The following SRPK2 variants were observed in gnomAD, a reference collection of about 807,000 sequenced individuals.
SRPK2 encodes the protein SFRS protein kinase 2.
Under a neutral mutation model 90.8 loss-of-function variants are expected in SRPK2, and 21 were observed. That is an observed-to-expected ratio of 0.23 (90% CI 0.16 to 0.33). The LOEUF (loss-of-function observed/expected upper bound fraction) is 0.33. SRPK2 is among the 10% of genes least tolerant of loss of function. The probability of loss-of-function intolerance (pLI) is 1.00; values close to 1 mark genes in which losing one functional copy is unlikely to be tolerated. For missense variants in SRPK2, 620 were observed against 869.0 expected (o/e 0.71, Z 3.60); for synonymous variants, 288 against 311.1 (o/e 0.93, Z 0.78).
intron 2 of SRPK2, among the ~76,000 whole-genome samples, chr7:105,350,760 C>T (rs1246987873): frequency 2.6e-5 from 4 of 152,042 alleles, no homozygotes; most frequent in Non-Finnish European, 5.9e-5. Context: ...GACCTCCCCA[C>T]CTTGGCCTCC....
intron 3 of SRPK2, among the ~76,000 whole-genome samples, chr7:105,198,708 T>C (rs556004402): frequency 1.3e-5 from 2 of 152,236 alleles, no homozygotes; most frequent in Non-Finnish European, 2.9e-5. Flanking sequence ...ATATTTCTTA[T>C]GAGCCTCGTA....
At chr7:105,285,588 G>A (rs1300387181) in intron 2 of SRPK2, among the ~76,000 whole-genome samples, 2 of 152,102 alleles carry the variant, frequency 1.3e-5, no homozygotes, top group African/African-American at 4.8e-5. Flanking sequence ...GAGGTGTTTG[G>A]ATCACGGGGA....
chr7:105,328,561 C>CAAAAA (rs1192103331), intron 2 of SRPK2, among the ~76,000 whole-genome samples: 2 of 47,212 alleles, frequency 4.2e-5, no homozygotes, highest in Non-Finnish European at 7.1e-5. Flanking sequence ...GGCTCTGTCT[C>CAAAAA]AAAAAAAAAA....
intron 2 of SRPK2, among the ~76,000 whole-genome samples, chr7:105,261,022 T>TAAAAAAAAAAA (rs72277307): frequency 7.8e-5 from 9 of 116,004 alleles, no homozygotes; most frequent in Non-Finnish European, 1.6e-4. Context: ...CCCTAGAAAT[T>TAAAAAAAAAAA]AAAAAAAAAA....
chr7:105,338,713 C>T (rs1815406959), intron 2 of SRPK2, among the ~76,000 whole-genome samples: 1 of 152,052 alleles, frequency 6.6e-6, no homozygotes, highest in Non-Finnish European at 1.5e-5. Flanking sequence ...TTTTTGAATC[C>T]TGTTGTAAAT....
intron 10 of SRPK2, among the ~76,000 whole-genome samples, 187 bp from the exon 11 acceptor site, chr7:105,142,677 G>C (rs1457724579): frequency 6.6e-6 from 1 of 151,914 alleles, no homozygotes; most frequent in African/African-American, 2.4e-5. Flanking sequence ...TTAGTAATTG[G>C]CCTGCTCTTA....
At chr7:105,302,442 A>G (rs1210243922) in intron 2 of SRPK2, among the ~76,000 whole-genome samples, 1 of 152,194 alleles carries the variant, frequency 6.6e-6, no homozygotes, top group Non-Finnish European at 1.5e-5. Context: ...TCAAACTATC[A>G]TCCTGGTGGA....
chr7:105,177,219 T>C (rs371574483), intron 3 of SRPK2, among the ~76,000 whole-genome samples: 1 of 152,172 alleles, frequency 6.6e-6, no homozygotes, highest in Non-Finnish European at 1.5e-5. Context: ...GATGACTTGC[T>C]TTTTTTAAAA....
rs117316374 is a variant in SRPK2 at position 105,220,400 on chromosome 7, A to G, written c.72-16615T>C. 2.8e-3 allele frequency among the ~76,000 whole-genome samples: 427 copies of G among 152,122 alleles called. 11 individuals are homozygous for G. The East Asian group carries it at 0.055, about 20-fold the overall frequency. ...AAATTAGCTGGGCGTGGTGGCGCAC[A>G]CCTGTATCCCAGTTACTCAGGAAGC... On this transcript the variant is annotated intron_variant, in intron 2 of 15. Coordinates refer to ENST00000393651, the MANE Select transcript of SRPK2 (RefSeq NM_182692.3).
At position 105,293,155 on chromosome 7, in the gene SRPK2, G is replaced by A. The variant is rs535347309; in HGVS notation, c.72-89370C>T. Among the ~76,000 whole-genome samples, 27 of 152,132 alleles carry A rather than the reference G, an allele frequency of 1.8e-4. No individual in the cohort carries two copies. The South Asian group carries it at 2.7e-3, about 15-fold the overall frequency. ...TCTACTAAAAATACAAAAATTGGCC[G>A]GGCATGGTGGTGGATGCCTGTAATC... On this transcript the variant is annotated intron_variant, in intron 2 of 15. Transcript: ENST00000393651.
chr7:105,123,622 C>A (rs919315923), intron 15 of SRPK2, among the ~76,000 whole-genome samples: 3 of 152,072 alleles, frequency 2.0e-5, no homozygotes, highest in African/African-American at 7.2e-5. Context: ...TGGGAACATG[C>A]CAAAACACAT....
intron 2 of SRPK2, among the ~76,000 whole-genome samples, chr7:105,293,674 C>T (rs1049166475): frequency 2.0e-5 from 3 of 152,194 alleles, no homozygotes; most frequent in East Asian, 3.9e-4. Context: ...CCCACCTCAG[C>T]CTCCCAAAGG....
chr7:105,231,090 C>G (rs937172754), intron 2 of SRPK2, among the ~76,000 whole-genome samples: 4 of 152,252 alleles, frequency 2.6e-5, no homozygotes, highest in South Asian at 2.1e-4. Flanking sequence ...TTCACCCTCC[C>G]TCGCCAAGTA....
At chr7:105,331,337 A>AAAAAAAAAAAAAAAAAAAC (rs1554512429) in intron 2 of SRPK2, among the ~76,000 whole-genome samples, 2 of 141,830 alleles carry the variant, frequency 1.4e-5, no homozygotes, top group Non-Finnish European at 3.1e-5. Context: ...AAAAAAAAAA[A>AAAAAAAAAAAAAAAAAAAC]CAAATAGTTA....
intron 3 of SRPK2, among the ~76,000 whole-genome samples, chr7:105,175,553 A>C (rs1444849397): frequency 1.3e-5 from 2 of 152,178 alleles, no homozygotes; most frequent in Admixed American, 1.3e-4. Flanking sequence ...AAAAAGCATA[A>C]GAACAGTCGA....
chr7:105,356,238 C>T (rs1447345857), intron 2 of SRPK2, among the ~76,000 whole-genome samples: 1 of 151,940 alleles, frequency 6.6e-6, no homozygotes, highest in Non-Finnish European at 1.5e-5. Flanking sequence ...ATGCAAAGGC[C>T]CTAAGATTAG....
At chr7:105,367,139 G>T (rs182197354) in intron 2 of SRPK2, among the ~76,000 whole-genome samples, 1 of 151,302 alleles carries the variant, frequency 6.6e-6, no homozygotes, top group East Asian at 2.0e-4. Flanking sequence ...CTCCCACCTG[G>T]GTGTCCCAAA....
chr7:105,365,092 A>C (rs1818872746), intron 2 of SRPK2, among the ~76,000 whole-genome samples: 1 of 152,154 alleles, frequency 6.6e-6, no homozygotes, highest in African/African-American at 2.4e-5. Flanking sequence ...TCCTGCCTTA[A>C]ATCCTGGTGC....
At chr7:105,249,924 T>G (rs1043197748) in intron 2 of SRPK2, among the ~76,000 whole-genome samples, 1 of 152,226 alleles carries the variant, frequency 6.6e-6, no homozygotes, top group African/African-American at 2.4e-5. Context: ...TGACCTAGAA[T>G]GAGGATGACA....
Sources: allele counts gnomAD v4.1 joint callset (sites outside exome capture counted in the v4.1 genomes callset), GRCh38; gene constraint gnomAD v4.1.1; transcripts MANE v1.5; gene names NCBI Gene and HGNC (gene_info 2026-07-23, HGNC 2026-07-21).